SDR42E1: variants seen among roughly 807,000 people sequenced by gnomAD.
The protein encoded by SDR42E1 is short chain dehydrogenase/reductase family 42E, member 1, also known as short-chain dehydrogenase/reductase family 42E member 1.
SDR42E1 carries 5 observed loss-of-function variants against 2.6 expected under a neutral mutation model. That is an observed-to-expected ratio of 1.94 (90% CI 1.01 to 4.08). SDR42E1 has a LOEUF of 4.08. Among genes scored for constraint, SDR42E1 ranks in the 30% most tolerant of loss-of-function variants. The pLI is 0.00. For missense variants in SDR42E1, 596 were observed against 478.6 expected (o/e 1.25, Z -2.29); for synonymous variants, 231 against 188.3 (o/e 1.23, Z -1.86).
Position 81,998,756 on chromosome 16 carries a change from A to G in SDR42E1, c.*355T>C, listed in dbSNP as rs1261170174. ...CACATCAGTCAGAGGTTTTAGGTAG[A>G]TGCAGACTGCATAAAATGGAAATAA... On this transcript the variant is annotated 3_prime_UTR_variant, in exon 3 of 3. Coordinates refer to ENST00000328945, the MANE Select transcript of SDR42E1 (RefSeq NM_145168.3). 2 of 238,824 alleles carry G rather than the reference A, an allele frequency of 8.4e-6. No individual in the cohort carries two copies. The highest frequency in any genetic ancestry group is 2.3e-5 in the African/African-American group (1 of 43,288). 14.8% of individuals were successfully genotyped at this position (238,824 alleles called of 1,614,324 possible). A position where few individuals can be genotyped will look rare whatever the true frequency, so the allele number is the denominator to read the frequency against.
rs1355236767 is a variant in SDR42E1 at position 81,999,310 on chromosome 16, T to A, written c.983A>T (p.Glu328Val). The A allele has an allele frequency of 6.2e-7, 1 of 1,614,258 alleles. No individual in the cohort carries two copies. Among genetic ancestry groups the A allele is most frequent in the South Asian group, 1.1e-5 (1 of 91,090 alleles). Reference protein sequence around the residue: ...KTGVTHYFSLEKAKKELGYKA... With the variant: ...KTGVTHYFSLVKAKKELGYKA... The stretch of plus-strand genomic sequence containing the variant: ...ATAACCTAGCTCTTTCTTGGCTTTC[T>A]CTAAGCTAAAATAATGTGTGACACC... The change falls in exon 3 of 3, where the codon GAG becomes GTG. Residue 328 changes from glutamate to valine, a missense_variant. Glu to Val is a moderately radical substitution (Grantham distance 121). Coordinates refer to ENST00000328945, the MANE Select transcript of SDR42E1 (RefSeq NM_145168.3).
intron 1 of SDR42E1, among the ~76,000 whole-genome samples, chr16:82,008,455 C>T (rs751612646): frequency 6.6e-6 from 1 of 152,194 alleles, no homozygotes; most frequent in African/African-American, 2.4e-5. Flanking sequence ...ATGGCTTTCA[C>T]CAAAATGCTG....
chr16:81,998,492 C>T lies in SDR42E1; in HGVS notation c.*619G>A, dbSNP rs1257073317. On this transcript the variant is annotated 3_prime_UTR_variant, in exon 3 of 3. Transcript: ENST00000328945. ...AGCGCTTTGTATGCTTGAATTTAATCCTCAAAAGAATCCTATGAGGTAGAA... is the reference window on the plus strand; with the variant it reads ...AGCGCTTTGTATGCTTGAATTTAATTCTCAAAAGAATCCTATGAGGTAGAA... 6.6e-6 allele frequency: 1 copy of T among 152,562 alleles called. No individual in the cohort carries two copies. The highest frequency in any genetic ancestry group is 1.9e-4 in the East Asian group (1 of 5,198). The allele number at this position is 152,562 out of a possible 1,614,324, so 9.5% of individuals were successfully genotyped here.
intron 1 of SDR42E1, among the ~76,000 whole-genome samples, chr16:82,009,803 G>A (rs1913067109): frequency 6.6e-6 from 1 of 152,138 alleles, no homozygotes. Context: ...ATTTGGGAGG[G>A]GCCAGGGGCG....
At position 81,996,576 on chromosome 16, in the gene SDR42E1, T is replaced by G. The variant is rs1187454159; in HGVS notation, c.*2535A>C. 6.6e-6 allele frequency: 1 copy of G among 152,014 alleles called. No individual in the cohort carries two copies. Among genetic ancestry groups the G allele is most frequent in the Non-Finnish European group, 1.5e-5 (1 of 68,026 alleles). 9.4% of individuals were successfully genotyped at this position (152,014 alleles called of 1,614,324 possible). A position where few individuals can be genotyped will look rare whatever the true frequency, so the allele number is the denominator to read the frequency against. ...ATCCATGTGGAGTTGCAGAAGTACT[T>G]AGATATGAGTCTGGAGCCCAGGAGT... On this transcript the variant is annotated 3_prime_UTR_variant, in exon 3 of 3. Coordinates refer to ENST00000328945, the MANE Select transcript of SDR42E1 (RefSeq NM_145168.3).
chr16:82,000,815 C>A lies in SDR42E1; in HGVS notation c.44G>T (p.Gly15Val). Residue 15 changes from glycine to valine, a missense_variant, in exon 2 of 3, where the codon GGA (glycine) becomes GTA (valine). Coordinates refer to ENST00000328945, the MANE Select transcript of SDR42E1 (RefSeq NM_145168.3). ...CCGAAAACCAAAATAGCCACTTCCT[C>A]CTGTAATGAGGACACTTTCCTTTTG... ...RSQKESVLIT[G>V]GSGYFGFRLG... 1.9e-6 allele frequency: 3 copies of A among 1,613,860 alleles called. No individual in the cohort carries two copies. The highest frequency in any genetic ancestry group is 2.5e-6 in the Non-Finnish European group (3 of 1,179,922).
intron 1 of SDR42E1, among the ~76,000 whole-genome samples, chr16:82,005,474 G>A (rs1278164288): frequency 6.6e-6 from 1 of 152,176 alleles, no homozygotes; most frequent in African/African-American, 2.4e-5. Flanking sequence ...CTCCCTTCCT[G>A]ATCCCCAACA....
rs1242567174 is a variant in SDR42E1, at chr16:81,992,262, G to A, written c.*6849C>T. On this transcript the variant is annotated 3_prime_UTR_variant, in exon 3 of 3. Transcript: ENST00000328945. ...CATCTTTGAGTAATTTAGTTAACTAGGGTGACAGGTTAATATTGATCATTA... is the reference window on the plus strand; with the variant it reads ...CATCTTTGAGTAATTTAGTTAACTAAGGTGACAGGTTAATATTGATCATTA... 6.6e-6 allele frequency: 1 copy of A among 152,132 alleles called. No homozygotes were observed. Among genetic ancestry groups the A allele is most frequent in the African/African-American group, 2.4e-5 (1 of 41,416 alleles). 9.4% of individuals were successfully genotyped at this position (152,132 alleles called of 1,614,324 possible).
rs2143832945 is a variant in SDR42E1 at position 81,994,735 on chromosome 16, C to T, written c.*4376G>A. 6.6e-6 allele frequency: 1 copy of T among 152,320 alleles called. No homozygotes were observed. 9.4% of individuals were successfully genotyped at this position (152,320 alleles called of 1,614,324 possible). On this transcript the variant is annotated 3_prime_UTR_variant, in exon 3 of 3. Transcript: ENST00000328945. ...TGGGTCAGAGCTGGGGCGTGGCATT[C>T]TGCAGGCAACTTCTACCCTTTGTAA...
chr16:82,006,810 A>G (rs560379467), intron 1 of SDR42E1, among the ~76,000 whole-genome samples: 1 of 152,172 alleles, frequency 6.6e-6, no homozygotes, highest in South Asian at 2.1e-4. Context: ...AACAAAAAAC[A>G]AAAAACCAAA....
intron 1 of SDR42E1, among the ~76,000 whole-genome samples, chr16:82,003,036 A>G (rs549147607): frequency 6.6e-6 from 1 of 152,288 alleles, no homozygotes; most frequent in Admixed American, 6.5e-5. Context: ...AAGACTGCCA[A>G]TGAAGCGAAT....
Position 81,999,746 on chromosome 16 carries a change from G to A in SDR42E1, c.547C>T (p.Leu183=), listed in dbSNP as rs928988061. The A allele has an allele frequency of 1.2e-6, 2 of 1,614,218 alleles. No homozygotes were observed. Among genetic ancestry groups the A allele is most frequent in the Admixed American group, 3.3e-5 (2 of 60,034 alleles). ...RGDGVLRTCA[L]RPAGIYGPGE... ...GGCCCATAGATGCCAGCTGGCCTCA[G>A]AGCGCAGGTTCTTAAGACACCGTCG... Residue 183 remains leucine (L), a synonymous_variant, in exon 3 of 3, where the codon CTG becomes TTG. Coordinates refer to ENST00000328945, the MANE Select transcript of SDR42E1 (RefSeq NM_145168.3).
rs1205479096 is a variant in SDR42E1, at chr16:81,998,997, T to C, written c.*114A>G. The C allele has an allele frequency of 9.3e-7, 1 of 1,069,682 alleles. No individual in the cohort carries two copies. The highest frequency in any genetic ancestry group is 1.3e-6 in the Non-Finnish European group (1 of 751,796). 66.3% of individuals were successfully genotyped at this position (1,069,682 alleles called of 1,614,324 possible). Reference sequence around the variant, plus strand: ...TTCAATCCAAGAACCTATTCTTAAGTAGCAATTTGAAGAGCCAATGTTTGG... The same window carrying C: ...TTCAATCCAAGAACCTATTCTTAAGCAGCAATTTGAAGAGCCAATGTTTGG... On this transcript the variant is annotated 3_prime_UTR_variant, in exon 3 of 3. Coordinates refer to ENST00000328945, the MANE Select transcript of SDR42E1 (RefSeq NM_145168.3).
At position 81,993,913 on chromosome 16, in the gene SDR42E1, AT is replaced by A. The variant is rs1567560713; in HGVS notation, c.*5197del. 1 of 152,120 alleles carries A rather than the reference AT, an allele frequency of 6.6e-6. No individual in the cohort carries two copies. Among genetic ancestry groups the A allele is most frequent in the South Asian group, 2.1e-4 (1 of 4,816 alleles). The allele number at this position is 152,120 out of a possible 1,614,324, so 9.4% of individuals were successfully genotyped here. On this transcript the variant is annotated 3_prime_UTR_variant, in exon 3 of 3. Coordinates refer to ENST00000328945, the MANE Select transcript of SDR42E1 (RefSeq NM_145168.3). ...GATTCTAGAAAAGGAAATCAATCTC[AT>A]TTTTTAAGAAAAACTCCAGCAAATG...
Position 81,992,988 on chromosome 16 carries a change from CACA to C in SDR42E1, c.*6120_*6122del, listed in dbSNP as rs1912461382. On this transcript the variant is annotated 3_prime_UTR_variant, in exon 3 of 3. Coordinates refer to ENST00000328945, the MANE Select transcript of SDR42E1 (RefSeq NM_145168.3). ...TACACTAAAAGATCAGGTAACCAGGCACAACAAGATGTGTTGCCAAAGAATCCC... is the reference window on the plus strand; with the variant it reads ...TACACTAAAAGATCAGGTAACCAGGCACAAGATGTGTTGCCAAAGAATCCC... 1 of 152,214 alleles carries C rather than the reference CACA, an allele frequency of 6.6e-6. No individual in the cohort carries two copies. Among genetic ancestry groups the C allele is most frequent in the South Asian group, 2.1e-4 (1 of 4,824 alleles). 9.4% of individuals were successfully genotyped at this position (152,214 alleles called of 1,614,324 possible).
intron 2 of SDR42E1, 24 bp from the exon 3 acceptor site, chr16:82,000,248 T>C (rs746227043): frequency 5.6e-6 from 9 of 1,600,558 alleles, no homozygotes; most frequent in Non-Finnish European, 7.6e-6. Context: ...CAGTAAACGT[T>C]GAATCAAGTC....
chr16:82,005,842 C>T (rs1015431998), intron 1 of SDR42E1, among the ~76,000 whole-genome samples: 7 of 152,032 alleles, frequency 4.6e-5, no homozygotes, highest in South Asian at 2.1e-4. Context: ...CAAAAAAAAC[C>T]TTAATTACAA....
chr16:82,003,720 T>C (rs935671130), intron 1 of SDR42E1, among the ~76,000 whole-genome samples: 2 of 152,258 alleles, frequency 1.3e-5, no homozygotes, highest in African/African-American at 4.8e-5. Context: ...CTTTGTTTTC[T>C]CTATGGAACA....
chr16:82,008,341 G>C (rs1913016511), intron 1 of SDR42E1, among the ~76,000 whole-genome samples: 1 of 152,264 alleles, frequency 6.6e-6, no homozygotes, highest in African/African-American at 2.4e-5. Context: ...AAATGTGGAA[G>C]TGACTTTGGA....
Sources: allele counts gnomAD v4.1 joint callset (sites outside exome capture counted in the v4.1 genomes callset), GRCh38; gene constraint gnomAD v4.1.1; transcripts MANE v1.5; gene names NCBI Gene and HGNC (gene_info 2026-07-23, HGNC 2026-07-21).